Variants in GPC5 observed in about 807,000 individuals in gnomAD.
The protein encoded by GPC5 is glypican 5, also known as glypican-5.
Under a neutral mutation model 53.9 loss-of-function variants are expected in GPC5, and 47 were observed. The observed-to-expected ratio is 0.87, with a 90% CI of 0.69 to 1.11. GPC5 has a LOEUF of 1.11. Among genes scored for constraint, GPC5 ranks in the 50% most tolerant of loss-of-function variants. The pLI is 0.00. For missense variants in GPC5, 748 were observed against 713.1 expected (o/e 1.05, Z -0.56); for synonymous variants, 286 against 263.3 (o/e 1.09, Z -0.84).
chr13:92,600,417 G>T (rs1884008976), intron 7 of GPC5, among the ~76,000 whole-genome samples: 1 of 151,970 alleles, frequency 6.6e-6, no homozygotes, highest in Non-Finnish European at 1.5e-5. Context: ...ATATTACTTA[G>T]CATATAGCTA....
At chr13:92,828,592 C>A (rs750372717) in intron 7 of GPC5, among the ~76,000 whole-genome samples, 16 of 152,088 alleles carry the variant, frequency 1.1e-4, no homozygotes, top group Non-Finnish European at 1.8e-4. Context: ...AGCTGAAGAT[C>A]ATTGAATGCC....
intron 7 of GPC5, among the ~76,000 whole-genome samples, chr13:92,557,218 C>G (rs1176698697): frequency 6.6e-6 from 1 of 151,780 alleles, no homozygotes; most frequent in Non-Finnish European, 1.5e-5. Context: ...AATTGTTTCT[C>G]TCAATCCAGC....
At chr13:92,264,878 CTGTGTGTGTG>C (rs71815584) in intron 7 of GPC5, among the ~76,000 whole-genome samples, 2,089 of 104,698 alleles carry the variant, frequency 0.02, 49 homozygotes, top group African/African-American at 0.054. Context: ...CTCTCTCTCT[CTGTGTGTGTG>C]TGTGTGTGTG....
chr13:92,093,297 A>G (rs2041395520), intron 6 of GPC5, among the ~76,000 whole-genome samples: 1 of 152,166 alleles, frequency 6.6e-6, no homozygotes, highest in Non-Finnish European at 1.5e-5. Context: ...TTAAGTCGGT[A>G]TTATTACAAA....
At chr13:91,425,237 C>T (rs1020918214) in intron 1 of GPC5, among the ~76,000 whole-genome samples, 3 of 152,208 alleles carry the variant, frequency 2.0e-5, no homozygotes, top group South Asian at 2.1e-4. Context: ...TGCTTTTCAC[C>T]TTATTTCTTT....
intron 7 of GPC5, among the ~76,000 whole-genome samples, chr13:92,717,974 G>C (rs1314831083): frequency 2.6e-5 from 4 of 152,004 alleles, no homozygotes; most frequent in African/African-American, 7.2e-5. Flanking sequence ...CAATGGCAGA[G>C]AAATGCAAAT....
intron 6 of GPC5, among the ~76,000 whole-genome samples, chr13:91,925,222 G>A (rs1371356355): frequency 2.0e-5 from 3 of 152,068 alleles, no homozygotes; most frequent in Admixed American, 2.0e-4. Flanking sequence ...TATCAATCAC[G>A]TGATATGAAA....
At chr13:92,488,143 G>A (rs749502559) in intron 7 of GPC5, among the ~76,000 whole-genome samples, 48 of 152,174 alleles carry the variant, frequency 3.2e-4, no homozygotes, top group Non-Finnish European at 3.5e-4. Context: ...GTGTGTGTGT[G>A]TACAGGCATA....
chr13:92,485,577 A>T (rs1879521735), intron 7 of GPC5, among the ~76,000 whole-genome samples: 1 of 152,250 alleles, frequency 6.6e-6, no homozygotes, highest in Non-Finnish European at 1.5e-5. Context: ...ATTGAGCAAT[A>T]AACCCCAAGT....
At chr13:92,039,844 C>T (rs931692021) in intron 6 of GPC5, among the ~76,000 whole-genome samples, 2 of 151,994 alleles carry the variant, frequency 1.3e-5, no homozygotes, top group African/African-American at 2.4e-5. Context: ...CATATGAATT[C>T]GTTTTACCTT....
At chr13:91,426,211 G>A (rs935626374) in intron 1 of GPC5, among the ~76,000 whole-genome samples, 2 of 151,874 alleles carry the variant, frequency 1.3e-5, no homozygotes, top group African/African-American at 2.4e-5. Flanking sequence ...CCAAGACAAC[G>A]GGGAAAATGT....
intron 7 of GPC5, among the ~76,000 whole-genome samples, chr13:92,846,774 C>T (rs1878625885): frequency 6.6e-6 from 1 of 152,154 alleles, no homozygotes; most frequent in African/African-American, 2.4e-5. Flanking sequence ...GCACAAGGTG[C>T]TTGAATTTTG....
chr13:92,389,958 C>T (rs1199127869), intron 7 of GPC5, among the ~76,000 whole-genome samples: 1 of 152,086 alleles, frequency 6.6e-6, no homozygotes, highest in Non-Finnish European at 1.5e-5. Flanking sequence ...GTCATTTCTA[C>T]CACTTTGCCA....
At chr13:92,809,823 T>C (rs908502020) in intron 7 of GPC5, among the ~76,000 whole-genome samples, 3 of 152,054 alleles carry the variant, frequency 2.0e-5, no homozygotes, top group Non-Finnish European at 4.4e-5. Context: ...TATATGAAAG[T>C]CCACCATTAT....
rs57293387 is a variant in GPC5 at position 91,904,140 on chromosome 13, C to CTTTT, written c.1281-3779_1281-3776dup. On this transcript the variant is annotated intron_variant, in intron 5 of 7. Transcript: ENST00000377067. ...TGCTTAGTTTTACTTTCTTTTCTTT[C>CTTTT]TTTTTTTTTTTTTTTTTTTTTAAGG... is the stretch of plus-strand genomic sequence containing the variant. Among the ~76,000 whole-genome samples the CTTTT allele has an allele frequency of 4.1e-3, 387 of 94,594 alleles. 11 individuals carry two copies. Among genetic ancestry groups the CTTTT allele is most frequent in the African/African-American group, 0.01 (237 of 22,596 alleles). The allele number at this position is 94,594 out of a possible 152,430, so 62.1% of individuals were successfully genotyped here. A position where few individuals can be genotyped will look rare whatever the true frequency, so the allele number is the denominator to read the frequency against.
At chr13:91,788,421 T>G (rs930165041) in intron 5 of GPC5, among the ~76,000 whole-genome samples, 2 of 152,120 alleles carry the variant, frequency 1.3e-5, no homozygotes, top group Non-Finnish European at 2.9e-5. Flanking sequence ...TGGGGAGACA[T>G]AAACATTCAA....
At chr13:92,653,290 G>A (rs1489296797) in intron 7 of GPC5, among the ~76,000 whole-genome samples, 1 of 152,138 alleles carries the variant, frequency 6.6e-6, no homozygotes, top group Non-Finnish European at 1.5e-5. Flanking sequence ...GGGGAAGGAA[G>A]TGGAAGGGAT....
intron 7 of GPC5, among the ~76,000 whole-genome samples, chr13:92,598,452 C>A (rs181219819): frequency 3.4e-4 from 52 of 151,876 alleles, no homozygotes; most frequent in Non-Finnish European, 6.0e-4. Flanking sequence ...TCCTTAAAAG[C>A]TTTTCAACTT....
intron 5 of GPC5, among the ~76,000 whole-genome samples, chr13:91,766,836 G>T (rs896667336): frequency 6.6e-6 from 1 of 152,094 alleles, no homozygotes; most frequent in Non-Finnish European, 1.5e-5. Context: ...CTCCAGCCTG[G>T]GTGACAGAGA....
Sources: gnomAD v4.1 joint callset for allele counts (sites outside exome capture counted in the v4.1 genomes callset) on GRCh38, gnomAD v4.1.1 for gene constraint, MANE v1.5 for transcripts, NCBI Gene and HGNC (gene_info 2026-07-23, HGNC 2026-07-21) for gene names.